The following INSR variants were observed in gnomAD, a reference collection of about 807,000 sequenced individuals.
The protein encoded by INSR is insulin receptor, also known as IR.
Under a neutral mutation model 142.6 loss-of-function variants are expected in INSR, and 67 were observed. That is an observed-to-expected ratio of 0.47 (90% CI 0.39 to 0.58). The LOEUF (loss-of-function observed/expected upper bound fraction) is 0.58, where lower values mean the gene tolerates loss of function less well. Ranked by LOEUF, INSR falls within the 20% of genes least tolerant of loss-of-function variation. INSR has a pLI of 0.00. For synonymous variants in INSR, 756 were observed against 743.1 expected, an observed-to-expected ratio of 1.02 and a Z score of -0.28; for missense variants, 1,248 against 1,833.2, an observed-to-expected ratio of 0.68 and a Z score of 5.83.
At position 7,122,688 on chromosome 19, in the gene INSR, G is replaced by T; in HGVS notation, c.3455C>A (p.Ala1152Asp). Residue 1152 changes from alanine (A) to aspartate (D), a missense_variant, in exon 19 of 22, where the codon GCC (alanine) becomes GAC (aspartate). Ala to Asp is a moderately radical substitution (Grantham distance 126, BLOSUM62 -2). Around this residue, in one of 3 missense-constraint regions of INSR, gnomAD observed 1,069 missense variants for 1,654.0 expected, o/e 0.65. Transcript: ENST00000302850. ...EIADGMAYLN[A>D]KKFVHRDLAA... ...CAGGTCCCGATGCACAAACTTCTTG[G>T]CGTTCAGGTAGGCCATCCCGTCAGC... is the stretch of plus-strand genomic sequence containing the variant. 6.2e-7 allele frequency: 1 copy of T among 1,614,146 alleles called. No individual in the cohort carries two copies. Among genetic ancestry groups the T allele is most frequent in the Non-Finnish European group, 8.5e-7 (1 of 1,180,014 alleles).
intron 9 of INSR, among the ~76,000 whole-genome samples, chr19:7,156,884 G>T (rs1053898340): frequency 1.3e-4 from 20 of 148,390 alleles, no homozygotes; most frequent in African/African-American, 4.9e-4. Context: ...TGCCTCCTGG[G>T]TTCAAGCGAT....
chr19:7,226,728 C>CAAAAAAAAA lies in INSR; in HGVS notation c.652+40608_652+40616dup, dbSNP rs71177177. On this transcript the variant is annotated intron_variant, in intron 2 of 21. Transcript: ENST00000302850. ...GGGCAACAGAGCCAGACCCTGTTTC[C>CAAAAAAAAA]AAAAAAAAAAAAAAAATGCCTGAAG... Among the ~76,000 whole-genome samples the CAAAAAAAAA allele has an allele frequency of 2.7e-5, 3 of 112,882 alleles. 1 individual carries two copies. Among genetic ancestry groups the CAAAAAAAAA allele is most frequent in the African/African-American group, 3.6e-5 (1 of 28,152 alleles). The allele number at this position is 112,882 out of a possible 152,430, so 74.1% of individuals were successfully genotyped here. A position where few individuals can be genotyped will look rare whatever the true frequency, so the allele number is the denominator to read the frequency against.
At chr19:7,234,054 G>A (rs931485410) in intron 2 of INSR, among the ~76,000 whole-genome samples, 13 of 151,784 alleles carry the variant, frequency 8.6e-5, no homozygotes, top group Non-Finnish European at 1.5e-4. Flanking sequence ...CCACAGGCGC[G>A]CTATGGTGTC....
Position 7,132,110 on chromosome 19 carries a change from C to G in INSR, c.2842+48G>C, listed in dbSNP as rs776644368. ...ATCCCCTGCAATGTCCCACCATGCT[C>G]AGTGCTAAGCACAGCCCCAGTCAGC... On this transcript the variant is annotated intron_variant, in intron 14 of 21. Transcript: ENST00000302850. 1.2e-5 allele frequency: 20 copies of G among 1,611,552 alleles called. No homozygotes were observed. In the East Asian group the frequency reaches 4.5e-4, roughly 36 times the overall value.
intron 13 of INSR, among the ~76,000 whole-genome samples, chr19:7,136,828 C>CATATATATAGATATATATATAT (rs1972938726): frequency 7.2e-6 from 1 of 139,752 alleles, no homozygotes; most frequent in African/African-American, 2.9e-5. Flanking sequence ...TATTTATTTA[C>CATATATATAGATATATATATAT]ATATATATAT....
chr19:7,286,778 T>C (rs1049565646), intron 1 of INSR, among the ~76,000 whole-genome samples: 3 of 151,942 alleles, frequency 2.0e-5, no homozygotes, highest in Non-Finnish European at 4.4e-5. Flanking sequence ...GCATTACCCG[T>C]CACTATTTAA....
chr19:7,248,081 T>G (rs1258294130), intron 2 of INSR, among the ~76,000 whole-genome samples: 5 of 152,038 alleles, frequency 3.3e-5, no homozygotes, highest in African/African-American at 4.8e-5. Context: ...GGAGGATCAC[T>G]TGAGCCCAGG....
chr19:7,161,557 T>A (rs1973749085), intron 9 of INSR, among the ~76,000 whole-genome samples: 1 of 152,170 alleles, frequency 6.6e-6, no homozygotes, highest in South Asian at 2.1e-4. Flanking sequence ...CAGACATTTT[T>A]AATTGAAAGT....
intron 2 of INSR, among the ~76,000 whole-genome samples, chr19:7,200,994 CCT>C (rs963011502): frequency 2.0e-5 from 3 of 152,022 alleles, no homozygotes; most frequent in African/African-American, 7.2e-5. Flanking sequence ...TGCAAAAACC[CCT>C]GTTTGTTGGG....
chr19:7,218,007 C>T (rs11085219), intron 2 of INSR, among the ~76,000 whole-genome samples: 92,531 of 152,042 alleles, frequency 0.61, 29,122 homozygotes, highest in Non-Finnish European at 0.69. Flanking sequence ...GGAGAGTCCC[C>T]AGAGCTGTCT....
intron 2 of INSR, among the ~76,000 whole-genome samples, chr19:7,224,961 G>C (rs1975735157): frequency 6.6e-6 from 1 of 151,624 alleles, no homozygotes; most frequent in Non-Finnish European, 1.5e-5. Flanking sequence ...AAGGGGATGA[G>C]AGAGAGACAG....
At chr19:7,158,358 G>A (rs1485242849) in intron 9 of INSR, among the ~76,000 whole-genome samples, 11 of 152,048 alleles carry the variant, frequency 7.2e-5, no homozygotes, top group East Asian at 3.9e-4. Context: ...AAAATTAGCC[G>A]GGCGTGGTGG....
chr19:7,139,922 C>A (rs1973027336), intron 13 of INSR, among the ~76,000 whole-genome samples: 1 of 145,856 alleles, frequency 6.9e-6, no homozygotes, highest in Non-Finnish European at 1.5e-5. Context: ...GTCCCGGGTT[C>A]AAGCAATTCT....
intron 14 of INSR, among the ~76,000 whole-genome samples, chr19:7,130,474 G>A (rs1972748080): frequency 6.6e-6 from 1 of 152,320 alleles, no homozygotes; most frequent in East Asian, 1.9e-4. Flanking sequence ...GAGTGGCCGG[G>A]TGGGAGGTGA....
intron 2 of INSR, among the ~76,000 whole-genome samples, chr19:7,232,221 A>ATTTTAT (rs61588476): frequency 1.1e-4 from 16 of 151,398 alleles, no homozygotes; most frequent in South Asian, 1.0e-3. Context: ...ATTTTATTTT[A>ATTTTAT]TTTATTTTGA....
rs1568458846 is a variant in INSR, at chr19:7,164,974, C to T, written c.1861+1180G>A. ...TGAAATCCCATCTCTACTAAAAATACAAAAATTAGCTGGGCGTGGTGGCAC... is the reference window on the plus strand; with the variant it reads ...TGAAATCCCATCTCTACTAAAAATATAAAAATTAGCTGGGCGTGGTGGCAC... On this transcript the variant is annotated intron_variant, in intron 8 of 21. Coordinates refer to ENST00000302850, the MANE Select transcript of INSR (RefSeq NM_000208.4). 2.0e-5 allele frequency among the ~76,000 whole-genome samples: 3 copies of T among 151,398 alleles called. No individual in the cohort carries two copies. In the South Asian group the frequency reaches 6.2e-4, roughly 32 times the overall value.
intron 15 of INSR, among the ~76,000 whole-genome samples, chr19:7,127,553 G>A (rs1972675883): frequency 6.6e-6 from 1 of 152,054 alleles, no homozygotes; most frequent in Non-Finnish European, 1.5e-5. Context: ...TGTATCCATA[G>A]GGTGGATTCA....
intron 10 of INSR, among the ~76,000 whole-genome samples, chr19:7,151,768 A>T (rs970198555): frequency 6.6e-6 from 1 of 151,712 alleles, no homozygotes; most frequent in Non-Finnish European, 1.5e-5. Context: ...TCGGATGAAT[A>T]GCATTGGTAA....
intron 13 of INSR, among the ~76,000 whole-genome samples, chr19:7,134,435 G>A (rs1459750119): frequency 2.8e-5 from 4 of 141,544 alleles, no homozygotes; most frequent in Non-Finnish European, 3.0e-5. Flanking sequence ...TCTTTGCCAC[G>A]GTGCTGCCTT....
Sources: allele counts gnomAD v4.1 joint callset (sites outside exome capture counted in the v4.1 genomes callset), GRCh38; gene constraint gnomAD v4.1.1; regional missense constraint gnomAD v4.1.1; transcripts MANE v1.5; gene names NCBI Gene and HGNC (gene_info 2026-07-23, HGNC 2026-07-21).